The following SIPA1L1 variants were observed in gnomAD, a reference collection of about 807,000 sequenced individuals.
The protein encoded by SIPA1L1 is signal-induced proliferation-associated 1-like protein 1.
A neutral mutation model predicts 162.7 loss-of-function variants in SIPA1L1; 26 were observed. The ratio of observed to expected loss-of-function variants is 0.16; its 90% CI spans 0.12 to 0.22. The LOEUF is 0.22. Ranked by LOEUF, SIPA1L1 falls within the 10% of genes least tolerant of loss-of-function variation. The pLI is 1.00. For synonymous variants in SIPA1L1, 829 were observed against 837.4 expected (o/e 0.99, Z 0.17); for missense variants, 1,874 against 2,241.0 (o/e 0.84, Z 3.31).
intron 2 of SIPA1L1, among the ~76,000 whole-genome samples, chr14:71,489,715 GA>G (rs1251978755): frequency 1.3e-5 from 2 of 149,910 alleles, no homozygotes; most frequent in South Asian, 4.2e-4. Context: ...AAAAAAAAAA[GA>G]AAAAAAGAAA....
chr14:71,666,686 T>A (rs1169063529), intron 10 of SIPA1L1, among the ~76,000 whole-genome samples: 1 of 152,024 alleles, frequency 6.6e-6, no homozygotes. Flanking sequence ...TAATAACTGT[T>A]GAAAGGAATC....
At position 71,709,426 on chromosome 14, in the gene SIPA1L1, G is replaced by A; in HGVS notation, c.3970G>A (p.Ala1324Thr). ...CCACGGCAGCACAGCCTCGCTGGGG[G>A]CTGCCACATCGTCACCTCGCTCAGG... ...PSHGSTASLG[A>T]ATSSPRSGPG... The change falls in exon 17 of 24, where the codon GCT becomes ACT. Residue 1324 changes from alanine to threonine, a missense_variant. By Grantham distance (58) the Ala-to-Thr change is moderately conservative. Around this residue, in one of 5 missense-constraint regions of SIPA1L1, gnomAD observed 936 missense variants for 1,051.9 expected, o/e 0.89. Transcript: ENST00000381232. 1 of 1,613,532 alleles carries A rather than the reference G, an allele frequency of 6.2e-7. No homozygotes were observed. The highest frequency in any genetic ancestry group is 1.3e-5 in the African/African-American group (1 of 75,048).
At chr14:71,436,650 T>C (rs1372126779) in intron 2 of SIPA1L1, among the ~76,000 whole-genome samples, 1 of 152,040 alleles carries the variant, frequency 6.6e-6, no homozygotes, top group Non-Finnish European at 1.5e-5. Flanking sequence ...TAACATATTT[T>C]ATACTATCTG....
At chr14:71,530,275 T>G (rs1002672113) in intron 4 of SIPA1L1, among the ~76,000 whole-genome samples, 1 of 152,152 alleles carries the variant, frequency 6.6e-6, no homozygotes, top group Non-Finnish European at 1.5e-5. Flanking sequence ...CTCTTAACAG[T>G]TAGCAGGTAG....
chr14:71,355,353 G>A (rs2037138305), intron 2 of SIPA1L1, among the ~76,000 whole-genome samples: 1 of 152,126 alleles, frequency 6.6e-6, no homozygotes, highest in Non-Finnish European at 1.5e-5. Flanking sequence ...TCCTATTTTA[G>A]TTGCCTGATG....
chr14:71,702,564 C>T, intron 15 of SIPA1L1, 59 bp downstream of exon 15: 3 of 1,437,800 alleles, frequency 2.1e-6, no homozygotes, highest in Non-Finnish European at 1.9e-6. Context: ...TAGGTCACCT[C>T]TTGATGATGT....
rs536540462 is a variant in SIPA1L1 at position 71,615,033 on chromosome 14, T to C, written c.1499-3724T>C. Among the ~76,000 whole-genome samples the C allele has an allele frequency of 3.9e-5, 6 of 152,332 alleles. No individual in the cohort carries two copies. The South Asian group carries it at 1.2e-3, about 32-fold the overall frequency. ...GTTATGAATTCATAACACTTTAAAA[T>C]AAAGTTATTGGTATCAATATCCAAA... On this transcript the variant is annotated intron_variant, in intron 5 of 23. Coordinates refer to ENST00000381232, the MANE Select transcript of SIPA1L1 (RefSeq NM_001386936.1).
chr14:71,524,301 C>T (rs530065618), intron 3 of SIPA1L1, among the ~76,000 whole-genome samples: 43 of 152,290 alleles, frequency 2.8e-4, no homozygotes, highest in African/African-American at 1.0e-3. Flanking sequence ...AGTTCTTCTG[C>T]ATTCCCTTCA....
At chr14:71,550,391 G>A (rs1450312273) in intron 4 of SIPA1L1, among the ~76,000 whole-genome samples, 1 of 152,198 alleles carries the variant, frequency 6.6e-6, no homozygotes. Context: ...TAGAGCTGAA[G>A]TTATAAGCAA....
intron 16 of SIPA1L1, among the ~76,000 whole-genome samples, chr14:71,706,222 A>G (rs1007011559): frequency 5.3e-5 from 8 of 152,170 alleles, no homozygotes; most frequent in Non-Finnish European, 7.4e-5. Flanking sequence ...AAACCTTTCT[A>G]TGAGGAAAAT....
At chr14:71,590,547 A>G (rs2035250900) in intron 5 of SIPA1L1, among the ~76,000 whole-genome samples, 1 of 152,202 alleles carries the variant, frequency 6.6e-6, no homozygotes, top group Non-Finnish European at 1.5e-5. Flanking sequence ...TAATATTACT[A>G]CATGATAGGT....
intron 2 of SIPA1L1, among the ~76,000 whole-genome samples, chr14:71,487,728 T>C (rs2048888970): frequency 6.6e-6 from 1 of 152,200 alleles, no homozygotes; most frequent in Non-Finnish European, 1.5e-5. Context: ...CAGCAGTTTT[T>C]CACCATGCTT....
chr14:71,321,047 G>T (rs1362413483), intron 1 of SIPA1L1, 75 bp from the exon 2 acceptor site: 1 of 152,086 alleles, frequency 6.6e-6, no homozygotes, highest in Non-Finnish European at 1.5e-5. Flanking sequence ...CCTCGGGCCG[G>T]CCTCGCCGCT....
At chr14:71,602,419 A>G (rs1160025273) in intron 5 of SIPA1L1, among the ~76,000 whole-genome samples, 2 of 152,174 alleles carry the variant, frequency 1.3e-5, no homozygotes, top group Non-Finnish European at 2.9e-5. Context: ...TGGTCTCAGG[A>G]GATACTTGAT....
At chr14:71,734,734 C>T (rs1032086444) in intron 21 of SIPA1L1, among the ~76,000 whole-genome samples, 1 of 152,086 alleles carries the variant, frequency 6.6e-6, no homozygotes, top group Non-Finnish European at 1.5e-5. Context: ...GGTTAATCTC[C>T]TTCATATACA....
intron 2 of SIPA1L1, among the ~76,000 whole-genome samples, chr14:71,440,763 A>T (rs2044784780): frequency 6.6e-6 from 1 of 150,804 alleles, no homozygotes; most frequent in Admixed American, 6.6e-5. Context: ...GTATATGGGG[A>T]GTGGTGTACA....
At chr14:71,386,052 A>G (rs2040296442) in intron 2 of SIPA1L1, among the ~76,000 whole-genome samples, 1 of 152,182 alleles carries the variant, frequency 6.6e-6, no homozygotes, top group African/African-American at 2.4e-5. Context: ...AGTTTGTACT[A>G]GTGCCATTTC....
At position 71,606,696 on chromosome 14, in the gene SIPA1L1, C is replaced by T. The variant is rs554892384; in HGVS notation, c.1499-12061C>T. On this transcript the variant is annotated intron_variant, in intron 5 of 23. Coordinates refer to ENST00000381232, the MANE Select transcript of SIPA1L1 (RefSeq NM_001386936.1). ...TGGCTCGTGGGGGATCTCTCACTTA[C>T]CCTGCACTAGGGAGTCTCTCCACGC... Among the ~76,000 whole-genome samples, 14 of 152,138 alleles carry T rather than the reference C, an allele frequency of 9.2e-5. 1 individual carries two copies. The highest frequency in any genetic ancestry group is 3.4e-4 in the African/African-American group (14 of 41,504).
intron 4 of SIPA1L1, among the ~76,000 whole-genome samples, chr14:71,542,256 CTCTTCT>C (rs536583206): frequency 6.6e-6 from 1 of 150,544 alleles, no homozygotes; most frequent in South Asian, 2.1e-4. Context: ...CCTCCTCCTC[CTCTTCT>C]TCTTCTTCTT....
Sources: allele counts gnomAD v4.1 joint callset (sites outside exome capture counted in the v4.1 genomes callset), GRCh38; gene constraint gnomAD v4.1.1; regional missense constraint gnomAD v4.1.1; transcripts MANE v1.5; gene names NCBI Gene and HGNC (gene_info 2026-07-23, HGNC 2026-07-21).